Variants in SLC25A21 observed in about 807,000 individuals in gnomAD.
The protein encoded by SLC25A21 is mitochondrial 2-oxodicarboxylate carrier.
Under a neutral mutation model 43.8 loss-of-function variants are expected in SLC25A21, and 47 were observed. That is an observed-to-expected ratio of 1.07 (90% CI 0.85 to 1.37). SLC25A21 has a LOEUF of 1.37. Ranked by LOEUF, SLC25A21 falls within the 40% of genes most tolerant of loss-of-function variation. The pLI, the probability that SLC25A21 is intolerant of heterozygous loss-of-function variation, is 0.00. For synonymous variants in SLC25A21, 131 were observed against 121.3 expected, an observed-to-expected ratio of 1.08 and a Z score of -0.52; for missense variants, 352 against 350.2, an observed-to-expected ratio of 1.00 and a Z score of -0.04.
intron 1 of SLC25A21, among the ~76,000 whole-genome samples, chr14:36,896,667 T>A (rs1055845841): frequency 6.6e-6 from 1 of 152,372 alleles, no homozygotes. Context: ...GTTTTTCCAG[T>A]GGCTGGTACC....
intron 3 of SLC25A21, among the ~76,000 whole-genome samples, chr14:36,743,241 T>C (rs1466607961): frequency 2.6e-5 from 4 of 152,170 alleles, no homozygotes; most frequent in Non-Finnish European, 1.5e-5. Context: ...ATTGGTAAAA[T>C]GTGGGTGTTC....
At chr14:36,796,527 T>C (rs937671082) in intron 3 of SLC25A21, among the ~76,000 whole-genome samples, 2 of 152,022 alleles carry the variant, frequency 1.3e-5, no homozygotes, top group Non-Finnish European at 2.9e-5. Context: ...AGGCGCTCCA[T>C]CAGATCCCAG....
At chr14:36,810,747 T>C (rs1201931930) in intron 3 of SLC25A21, among the ~76,000 whole-genome samples, 3 of 152,128 alleles carry the variant, frequency 2.0e-5, no homozygotes, top group African/African-American at 4.8e-5. Flanking sequence ...CAGACACAAG[T>C]ATAAGGAATA....
chr14:36,705,906 C>T (rs1883537247), intron 7 of SLC25A21, among the ~76,000 whole-genome samples: 1 of 152,110 alleles, frequency 6.6e-6, no homozygotes, highest in African/African-American at 2.4e-5. Flanking sequence ...CGAAATAAGG[C>T]CTTCAAGGAA....
At chr14:36,888,283 A>G (rs1166533478) in intron 1 of SLC25A21, among the ~76,000 whole-genome samples, 1 of 152,166 alleles carries the variant, frequency 6.6e-6, no homozygotes, top group Non-Finnish European at 1.5e-5. Context: ...CCATAAAGTT[A>G]ATCTTTAGCT....
At chr14:36,928,435 ATT>A (rs35286747) in intron 1 of SLC25A21, among the ~76,000 whole-genome samples, 1 of 150,978 alleles carries the variant, frequency 6.6e-6, no homozygotes, top group Admixed American at 6.6e-5. Context: ...AAGTAGAGTG[ATT>A]TTTTTTTTGT....
At chr14:36,681,899 G>T (rs190069449) in intron 9 of SLC25A21, among the ~76,000 whole-genome samples, 2 of 152,292 alleles carry the variant, frequency 1.3e-5, no homozygotes, top group Admixed American at 1.3e-4. Flanking sequence ...CTGCACTACA[G>T]AGGGTCATTA....
rs144143781 is a variant in SLC25A21, at chr14:37,020,289, AAAAC to A, written c.71-145289_71-145286del. On this transcript the variant is annotated intron_variant, in intron 1 of 9. Coordinates refer to ENST00000331299, the MANE Select transcript of SLC25A21 (RefSeq NM_030631.4). ...CATAGTAAGGTTGCTGATTTATAAA[AAAAC>A]AAACAAACTATAACATTTCAAGATA... Among the ~76,000 whole-genome samples, 1,315 of 152,096 alleles carry A rather than the reference AAAAC, an allele frequency of 8.6e-3. 4 individuals carry two copies. Among genetic ancestry groups the A allele is most frequent in the Non-Finnish European group, 0.015 (1,001 of 67,892 alleles).
chr14:37,072,697 T>C (rs1290192002), intron 1 of SLC25A21, among the ~76,000 whole-genome samples: 1 of 152,222 alleles, frequency 6.6e-6, no homozygotes, highest in African/African-American at 2.4e-5. Context: ...TGAGCTGAGA[T>C]GGCGCCACTA....
intron 1 of SLC25A21, among the ~76,000 whole-genome samples, chr14:36,940,569 G>C (rs1892531671): frequency 6.6e-6 from 1 of 151,938 alleles, no homozygotes; most frequent in East Asian, 1.9e-4. Flanking sequence ...TTAATAGCCT[G>C]GTCATTTTTT....
chr14:37,032,036 G>A (rs541849030), intron 1 of SLC25A21, among the ~76,000 whole-genome samples: 2 of 152,202 alleles, frequency 1.3e-5, no homozygotes, highest in African/African-American at 2.4e-5. Flanking sequence ...CAGTCACAGC[G>A]TTTGCTCATT....
intron 1 of SLC25A21, among the ~76,000 whole-genome samples, chr14:36,994,960 A>G (rs564770925): frequency 6.6e-6 from 1 of 152,286 alleles, no homozygotes; most frequent in East Asian, 1.9e-4. Flanking sequence ...CAATAGAACT[A>G]ATTATGTCTT....
intron 7 of SLC25A21, among the ~76,000 whole-genome samples, chr14:36,692,170 C>T (rs187494266): frequency 3.9e-5 from 6 of 152,274 alleles, no homozygotes; most frequent in Middle Eastern, 3.4e-3. Flanking sequence ...TGTGAGTGCA[C>T]AGCTAAAGAG....
At chr14:36,685,355 AC>A (rs930183219) in intron 7 of SLC25A21, among the ~76,000 whole-genome samples, 2 of 152,080 alleles carry the variant, frequency 1.3e-5, no homozygotes, top group African/African-American at 2.4e-5. Flanking sequence ...TTGTGTGTGG[AC>A]CCCCAAATGT....
chr14:37,018,088 AG>A (rs1960902761), intron 1 of SLC25A21, among the ~76,000 whole-genome samples: 2 of 152,162 alleles, frequency 1.3e-5, no homozygotes, highest in East Asian at 3.9e-4. Context: ...TTAAAAAAAA[AG>A]TAAATCTGTA....
At chr14:37,113,286 G>A (rs1356425031) in intron 1 of SLC25A21, among the ~76,000 whole-genome samples, 1 of 152,016 alleles carries the variant, frequency 6.6e-6, no homozygotes, top group Non-Finnish European at 1.5e-5. Flanking sequence ...TTGCTATTTT[G>A]CTTAGCAGGA....
intron 1 of SLC25A21, among the ~76,000 whole-genome samples, chr14:36,941,875 T>C (rs879378558): frequency 9.2e-5 from 14 of 152,152 alleles, no homozygotes; most frequent in Admixed American, 5.9e-4. Flanking sequence ...TTTTCAAATG[T>C]TTAAATAAAT....
chr14:36,747,167 C>A (rs1343996180), intron 3 of SLC25A21, among the ~76,000 whole-genome samples: 1 of 152,104 alleles, frequency 6.6e-6, no homozygotes, highest in African/African-American at 2.4e-5. Flanking sequence ...CATATTTAAT[C>A]CAGGTTATAA....
chr14:37,010,127 T>C (rs1960698494), intron 1 of SLC25A21, among the ~76,000 whole-genome samples: 2 of 152,136 alleles, frequency 1.3e-5, no homozygotes, highest in Admixed American at 6.5e-5. Context: ...ACCACATATA[T>C]AATGGGATGG....
Sources: gnomAD v4.1 joint callset for allele counts (sites outside exome capture counted in the v4.1 genomes callset) on GRCh38, gnomAD v4.1.1 for gene constraint, MANE v1.5 for transcripts, NCBI Gene and HGNC (gene_info 2026-07-23, HGNC 2026-07-21) for gene names.